Variants in TRDN observed in about 807,000 individuals in gnomAD.
The protein encoded by TRDN is triadin in skeletal muscle.
Under a neutral mutation model 149.7 loss-of-function variants are expected in TRDN, and 161 were observed. The observed-to-expected ratio is 1.08, with a 90% CI of 0.95 to 1.23. The LOEUF is 1.23. Among genes scored for constraint, TRDN ranks in the 50% most tolerant of loss-of-function variants. The pLI, the probability that TRDN is intolerant of heterozygous loss-of-function variation, is 0.00. For missense variants in TRDN, 896 were observed against 823.5 expected (o/e 1.09, Z -1.08); for synonymous variants, 294 against 250.5 (o/e 1.17, Z -1.64).
At chr6:123,269,456 C>T (rs999606706) in intron 31 of TRDN, among the ~76,000 whole-genome samples, 19 of 152,026 alleles carry the variant, frequency 1.2e-4, no homozygotes, top group South Asian at 4.1e-4. Context: ...TTATTCATTA[C>T]GTATGTTTAA....
chr6:123,467,190 C>T (rs1392959112), intron 9 of TRDN, among the ~76,000 whole-genome samples: 2 of 151,572 alleles, frequency 1.3e-5, no homozygotes, highest in Admixed American at 6.6e-5. Context: ...GAAGGAAAAT[C>T]GTATATACTA....
intron 27 of TRDN, among the ~76,000 whole-genome samples, chr6:123,274,394 T>A (rs1006268690): frequency 1.3e-5 from 2 of 152,114 alleles, no homozygotes; most frequent in Non-Finnish European, 2.9e-5. Flanking sequence ...TAGAAATGTC[T>A]CCAGAAACCT....
intron 9 of TRDN, among the ~76,000 whole-genome samples, chr6:123,485,113 C>T (rs933296400): frequency 1.3e-5 from 2 of 152,160 alleles, no homozygotes; most frequent in Non-Finnish European, 2.9e-5. Context: ...AAGCAACTCT[C>T]ATGAGGGTAT....
chr6:123,255,302 C>T (rs1362729092), intron 36 of TRDN, among the ~76,000 whole-genome samples, 177 bp from the exon 37 acceptor site: 1 of 151,936 alleles, frequency 6.6e-6, no homozygotes, highest in Non-Finnish European at 1.5e-5. Context: ...TAGCACTAGA[C>T]ATTGTTTTAT....
intron 10 of TRDN, among the ~76,000 whole-genome samples, chr6:123,449,759 C>T (rs1179641309): frequency 6.6e-6 from 1 of 152,102 alleles, no homozygotes; most frequent in Non-Finnish European, 1.5e-5. Flanking sequence ...CACCTAGGCA[C>T]ATTGTCATCA....
chr6:123,238,503 C>T (rs1342181394), intron 38 of TRDN, among the ~76,000 whole-genome samples: 1 of 151,864 alleles, frequency 6.6e-6, no homozygotes, highest in Non-Finnish European at 1.5e-5. Context: ...GGAAAAAACC[C>T]TCAATTTATA....
chr6:123,617,389 T>A (rs934897820), intron 1 of TRDN, among the ~76,000 whole-genome samples: 52 of 152,300 alleles, frequency 3.4e-4, no homozygotes, highest in Admixed American at 1.0e-3. Context: ...TTGAGTTGAA[T>A]GGAAGCAGGT....
chr6:123,235,254 G>T (rs1252547757), intron 38 of TRDN, among the ~76,000 whole-genome samples: 1 of 152,082 alleles, frequency 6.6e-6, no homozygotes, highest in Non-Finnish European at 1.5e-5. Flanking sequence ...TTAGACTGAT[G>T]AGATCATCAG....
At chr6:123,564,547 GA>G (rs559786975) in intron 2 of TRDN, among the ~76,000 whole-genome samples, 155 of 152,008 alleles carry the variant, frequency 1.0e-3, no homozygotes, top group African/African-American at 3.7e-3. Context: ...GCCAAGAAAA[GA>G]AAAAAAGTCA....
At chr6:123,503,477 C>T (rs999629880) in intron 8 of TRDN, 37 of 985,010 alleles carry the variant, frequency 3.8e-5, no homozygotes, top group Non-Finnish European at 4.3e-5. Context: ...GATGCTACCT[C>T]CAAACCCCTT....
intron 23 of TRDN, among the ~76,000 whole-genome samples, chr6:123,329,187 G>T (rs1779575465): frequency 6.6e-6 from 1 of 152,040 alleles, no homozygotes; most frequent in Non-Finnish European, 1.5e-5. Flanking sequence ...AATTCAATAG[G>T]AGAGTTTAGT....
chr6:123,498,649 T>C (rs1778548774), intron 8 of TRDN: 1 of 470,036 alleles, frequency 2.1e-6, no homozygotes, highest in South Asian at 1.6e-5. Flanking sequence ...GGGAACCCTA[T>C]GATTGGGAAA....
chr6:123,432,441 A>C (rs1410875227), intron 12 of TRDN, among the ~76,000 whole-genome samples: 1 of 152,064 alleles, frequency 6.6e-6, no homozygotes, highest in Non-Finnish European at 1.5e-5. Flanking sequence ...TCCAAAAAAA[A>C]AAAAGAGTAG....
chr6:123,449,487 G>T (rs1237465483), intron 10 of TRDN, among the ~76,000 whole-genome samples: 1 of 152,064 alleles, frequency 6.6e-6, no homozygotes, highest in African/African-American at 2.4e-5. Context: ...CTAAGACAAG[G>T]TCTTTGAATT....
chr6:123,545,586 A>G (rs1355925081), intron 4 of TRDN, among the ~76,000 whole-genome samples: 1 of 151,880 alleles, frequency 6.6e-6, no homozygotes, highest in African/African-American at 2.4e-5. Flanking sequence ...GAATAATACT[A>G]TTAAGAAAAT....
chr6:123,562,639 T>C (rs1782062063), intron 2 of TRDN, among the ~76,000 whole-genome samples: 1 of 152,122 alleles, frequency 6.6e-6, no homozygotes, highest in Non-Finnish European at 1.5e-5. Context: ...CAAAAGAGAC[T>C]AAGAGAGTGA....
At chr6:123,315,516 G>A (rs547965370) in intron 24 of TRDN, among the ~76,000 whole-genome samples, 8 of 151,820 alleles carry the variant, frequency 5.3e-5, no homozygotes, top group African/African-American at 7.2e-5. Context: ...ACATAGAAGG[G>A]TGATTTGTAA....
chr6:123,377,476 G>A (rs1375408161), intron 18 of TRDN, among the ~76,000 whole-genome samples: 1 of 152,096 alleles, frequency 6.6e-6, no homozygotes, highest in African/African-American at 2.4e-5. Flanking sequence ...ATAACATTTT[G>A]GGTGATTCTG....
rs75854498 is a variant in TRDN, at chr6:123,329,227, A to C, written c.1471+2652T>G. Among the ~76,000 whole-genome samples the C allele has an allele frequency of 3.0e-3, 459 of 152,268 alleles. 14 individuals are homozygous for C. In the East Asian group the frequency reaches 0.075, roughly 25 times the overall value. On this transcript the variant is annotated intron_variant, in intron 23 of 40. Coordinates refer to ENST00000334268, the MANE Select transcript of TRDN (RefSeq NM_006073.4). ...AACCAGATTTAAGAGAATAAATTAG[A>C]ACATGGTTCTACCTTTACTCAAAGA...
Sources: gnomAD v4.1 joint callset for allele counts (sites outside exome capture counted in the v4.1 genomes callset) on GRCh38, gnomAD v4.1.1 for gene constraint, MANE v1.5 for transcripts, NCBI Gene and HGNC (gene_info 2026-07-23, HGNC 2026-07-21) for gene names.